Variants in C20orf203 observed in about 807,000 individuals in gnomAD.
C20orf203 encodes uncharacterized protein C20orf203.
Under a neutral mutation model 15.9 loss-of-function variants are expected in C20orf203, and 16 were observed. That is an observed-to-expected ratio of 1.01 (90% confidence interval 0.68 to 1.53). The LOEUF (loss-of-function observed/expected upper bound fraction) is 1.53, where lower values mean the gene tolerates loss of function less well. Among genes scored for constraint, C20orf203 ranks in the 40% most tolerant of loss-of-function variants. C20orf203 has a pLI of 0.00. For synonymous variants in C20orf203, 98 were observed against 97.2 expected (o/e 1.01, Z -0.05); for missense variants, 263 against 247.5 (o/e 1.06, Z -0.42).
At chr20:32,634,386 G>T (rs1185284371) in intron 5 of C20orf203, 116 bp from the exon 6 acceptor site, 1 of 395,298 alleles carries the variant, frequency 2.5e-6, no homozygotes, top group Non-Finnish European at 4.5e-6. Context: ...AGTGCACGTT[G>T]TTCCTTACAG....
In C20orf203 at chr20:32,673,340, C is replaced by T. The variant is rs536378479; in HGVS notation, c.-264+292G>A. On this transcript the variant is annotated intron_variant, in intron 1 of 5. Transcript: ENST00000608990. ...GACTGGCCGGAGGTGTCTCAGCCCC[C>T]GTAGCCAACCACAGAGAGAGCACAG... Among the ~76,000 whole-genome samples the T allele has an allele frequency of 3.3e-5, 5 of 152,170 alleles. No individual in the cohort carries two copies. In the South Asian group the frequency reaches 6.2e-4, roughly 19 times the overall value.
At chr20:32,658,438 C>A (rs1982814871) in intron 1 of C20orf203, among the ~76,000 whole-genome samples, 1 of 151,204 alleles carries the variant, frequency 6.6e-6, no homozygotes, top group Non-Finnish European at 1.5e-5. Flanking sequence ...TACAGATGTA[C>A]ACTACCATGC....
chr20:32,671,180 G>T (rs1286756037), intron 1 of C20orf203, among the ~76,000 whole-genome samples: 1 of 152,152 alleles, frequency 6.6e-6, no homozygotes, highest in African/African-American at 2.4e-5. Context: ...CCACTTGCAG[G>T]TATTTTTCCA....
rs993780168 is a variant in C20orf203 at position 32,632,056 on chromosome 20, T to C, written c.*3514A>G. The C allele has an allele frequency of 6.6e-6, 1 of 152,194 alleles. No individual in the cohort carries two copies. The highest frequency in any genetic ancestry group is 1.9e-4 in the East Asian group (1 of 5,194). The allele number at this position is 152,194 out of a possible 1,614,324, so 9.4% of individuals were successfully genotyped here. On this transcript the variant is annotated 3_prime_UTR_variant, in exon 6 of 6. Transcript: ENST00000608990. ...ATTGGCCAGAGGGCGACCTGAGACA[T>C]GCAGGCAGAGAAGGGAGCCAGTGAC...
chr20:32,650,075 C>T lies in C20orf203; in HGVS notation c.*357G>A, dbSNP rs918532628. 4.2e-6 allele frequency: 1 copy of T among 240,882 alleles called. No individual in the cohort carries two copies. The highest frequency in any genetic ancestry group is 8.1e-6 in the Non-Finnish European group (1 of 123,066). The allele number at this position is 240,882 out of a possible 1,614,324, so 14.9% of individuals were successfully genotyped here. On this transcript the variant is annotated 3_prime_UTR_variant, in exon 4 of 6. Coordinates refer to ENST00000608990, the MANE Select transcript of C20orf203 (RefSeq NM_182584.4). ...GGGGTGGGAGTGACACACAGGAGTA[C>T]TGCAGCCTCCTCCCAGCACTCAGGG...
At chr20:32,665,035 C>A (rs1982986321) in intron 1 of C20orf203, among the ~76,000 whole-genome samples, 1 of 152,228 alleles carries the variant, frequency 6.6e-6, no homozygotes, top group Non-Finnish European at 1.5e-5. Context: ...CCCTTGGTGG[C>A]CACTGGGTGT....
At chr20:32,637,890 G>A (rs746783353) in intron 5 of C20orf203, among the ~76,000 whole-genome samples, 1 of 151,916 alleles carries the variant, frequency 6.6e-6, no homozygotes, top group Non-Finnish European at 1.5e-5. Flanking sequence ...GGGTGTAGGT[G>A]TGTGTGCATG....
At chr20:32,647,808 T>A (rs1982479027) in intron 4 of C20orf203, among the ~76,000 whole-genome samples, 1 of 152,100 alleles carries the variant, frequency 6.6e-6, no homozygotes, top group Non-Finnish European at 1.5e-5. Context: ...TTGCTCAGGG[T>A]CAGGTGCATA....
chr20:32,663,160 G>A (rs1262823692), intron 1 of C20orf203, among the ~76,000 whole-genome samples: 2 of 151,860 alleles, frequency 1.3e-5, no homozygotes, highest in Non-Finnish European at 2.9e-5. Context: ...ATGTTGGCCA[G>A]GGTGGTCTTA....
chr20:32,660,533 C>T (rs2145678581), intron 1 of C20orf203, among the ~76,000 whole-genome samples: 1 of 152,282 alleles, frequency 6.6e-6, no homozygotes, highest in South Asian at 2.1e-4. Flanking sequence ...CTGTGCTAGG[C>T]CATCAGCACT....
chr20:32,672,573 C>CAAA, intron 1 of C20orf203, among the ~76,000 whole-genome samples: 1 of 144,016 alleles, frequency 6.9e-6, no homozygotes, highest in African/African-American at 2.6e-5. Flanking sequence ...ACAATATCTC[C>CAAA]AAAAAAAAAA....
chr20:32,647,881 C>A (rs865899722), intron 4 of C20orf203, among the ~76,000 whole-genome samples: 1 of 152,126 alleles, frequency 6.6e-6, no homozygotes, highest in Non-Finnish European at 1.5e-5. Context: ...CGGCAGGGGG[C>A]GTCGCCTTCC....
rs181210952 is a variant in C20orf203 at position 32,670,558 on chromosome 20, G to A, written c.-264+3074C>T. Among the ~76,000 whole-genome samples, 31 of 151,848 alleles carry A rather than the reference G, an allele frequency of 2.0e-4. No homozygotes were observed. The East Asian group carries it at 5.4e-3, about 27-fold the overall frequency. Reference sequence around the variant, plus strand: ...AAACAAATAAATAAAAATAGGCCACGCACAGTGGTTCACACCTGTAATCCC... The same window carrying A: ...AAACAAATAAATAAAAATAGGCCACACACAGTGGTTCACACCTGTAATCCC... On this transcript the variant is annotated intron_variant, in intron 1 of 5. Coordinates refer to ENST00000608990, the MANE Select transcript of C20orf203 (RefSeq NM_182584.4).
Position 32,651,033 on chromosome 20 carries a change from A to G in C20orf203, c.120T>C (p.Thr40=). 6.6e-7 allele frequency: 1 copy of G among 1,505,806 alleles called. No homozygotes were observed. 93.3% of individuals were successfully genotyped at this position (1,505,806 alleles called of 1,614,324 possible). A position where few individuals can be genotyped will look rare whatever the true frequency, so the allele number is the denominator to read the frequency against. ...CACTTCTTACCCGGCTCAGCATTCC[A>G]GTTTTTGTAAAGGGAAAACTGGCCA... The part of the protein sequence containing the change: ...PRLASFPFTK[T]GMLSRATSVL... Residue 40 remains threonine (T), a synonymous_variant, in exon 3 of 6, where the codon ACT becomes ACC. Coordinates refer to ENST00000608990, the MANE Select transcript of C20orf203 (RefSeq NM_182584.4).
At chr20:32,638,370 C>A (rs1982194361) in intron 5 of C20orf203, among the ~76,000 whole-genome samples, 2 of 152,196 alleles carry the variant, frequency 1.3e-5, no homozygotes, top group South Asian at 4.1e-4. Context: ...GGGACCACAG[C>A]AAGAAAGTGG....
chr20:32,638,061 GCAGGAGGGGCAGAGGC>G (rs1982186881), intron 5 of C20orf203, among the ~76,000 whole-genome samples: 1 of 152,084 alleles, frequency 6.6e-6, no homozygotes, highest in African/African-American at 2.4e-5. Flanking sequence ...CAATCTGATG[GCAGGAGGGGCAGAGGC>G]CAGGGTGAGG....
chr20:32,663,524 GA>G (rs1982946428), intron 1 of C20orf203, among the ~76,000 whole-genome samples: 1 of 152,188 alleles, frequency 6.6e-6, no homozygotes, highest in South Asian at 2.1e-4. Flanking sequence ...AGCCTGGAGA[GA>G]AATGTAACAA....
At chr20:32,656,432 A>G (rs1406060089) in intron 1 of C20orf203, 1 of 152,244 alleles carries the variant, frequency 6.6e-6, no homozygotes, top group African/African-American at 2.4e-5. Flanking sequence ...GAACCCTCAT[A>G]CACTGCTGGT....
At chr20:32,642,372 G>A (rs1982305651) in intron 4 of C20orf203, among the ~76,000 whole-genome samples, 1 of 152,190 alleles carries the variant, frequency 6.6e-6, no homozygotes, top group African/African-American at 2.4e-5. Flanking sequence ...GTCTATGGAT[G>A]GACAGACAGA....
Sources: allele counts gnomAD v4.1 joint callset (sites outside exome capture counted in the v4.1 genomes callset), GRCh38; gene constraint gnomAD v4.1.1; transcripts MANE v1.5; gene names NCBI Gene and HGNC (gene_info 2026-07-23, HGNC 2026-07-21).